POFUT3: variants seen among roughly 807,000 people sequenced by gnomAD.
POFUT3 encodes GDP-fucose protein O-fucosyltransferase 3.
chr8:33,425,692 C>G, the POFUT3 span, among the ~76,000 whole-genome samples: 3 of 151,762 alleles, frequency 2.0e-5, no homozygotes, highest in African/African-American at 7.3e-5. Flanking sequence ...GAGGCTGAGG[C>G]AGGCAGATCA....
the POFUT3 span, among the ~76,000 whole-genome samples, chr8:33,427,254 C>T: frequency 6.6e-6 from 1 of 152,060 alleles, no homozygotes; most frequent in Non-Finnish European, 1.5e-5. Flanking sequence ...ACAGCCTGGA[C>T]AACATAGGAG....
the POFUT3 span, among the ~76,000 whole-genome samples, chr8:33,470,939 A>G: frequency 1.3e-5 from 2 of 152,094 alleles, no homozygotes; most frequent in Non-Finnish European, 2.9e-5. Context: ...AGTCATCACA[A>G]AGTAAGATTT....
At chr8:33,427,454 C>T in the POFUT3 span, among the ~76,000 whole-genome samples, 2 of 152,006 alleles carry the variant, frequency 1.3e-5, no homozygotes, top group Non-Finnish European at 2.9e-5. Context: ...TGGTGCATGC[C>T]TGTAATCCCA....
chr8:33,470,225 A>G, the POFUT3 span, among the ~76,000 whole-genome samples: 1 of 137,890 alleles, frequency 7.3e-6, no homozygotes, highest in Non-Finnish European at 1.5e-5. Context: ...CACAGCAAGA[A>G]CCCATCTCTA....
the POFUT3 span, among the ~76,000 whole-genome samples, chr8:33,376,342 T>C: frequency 0.021 from 3,216 of 152,114 alleles, 112 homozygotes; most frequent in African/African-American, 0.074. Context: ...AAAATGTGGG[T>C]GCTACTTATG....
the POFUT3 span, among the ~76,000 whole-genome samples, chr8:33,363,711 C>T: frequency 1.1e-4 from 17 of 152,268 alleles, no homozygotes; most frequent in African/African-American, 4.1e-4. Context: ...CCTCCCAAGA[C>T]TAAACCAGGA....
the POFUT3 span, chr8:33,461,327 G>A: frequency 6.4e-7 from 1 of 1,557,952 alleles, no homozygotes; most frequent in South Asian, 1.2e-5. Context: ...GGGGGACATG[G>A]CAAAGGCCCA....
At chr8:33,382,754 C>T in the POFUT3 span, among the ~76,000 whole-genome samples, 1 of 152,166 alleles carries the variant, frequency 6.6e-6, no homozygotes, top group Non-Finnish European at 1.5e-5. Flanking sequence ...AGAAACTTAA[C>T]AGTAGATCAT....
chr8:33,394,929 C>G, the POFUT3 span, among the ~76,000 whole-genome samples: 33,358 of 152,138 alleles, frequency 0.22, 4,048 homozygotes, highest in East Asian at 0.46. Context: ...CAGCTTAGTA[C>G]TTTTTTTCTA....
At chr8:33,469,269 G>A in the POFUT3 span, among the ~76,000 whole-genome samples, 1 of 152,184 alleles carries the variant, frequency 6.6e-6, no homozygotes, top group African/African-American at 2.4e-5. Flanking sequence ...TCGCGCCACT[G>A]CACTCCAGCC....
the POFUT3 span, among the ~76,000 whole-genome samples, chr8:33,435,399 G>A: frequency 3.3e-5 from 5 of 152,084 alleles, no homozygotes; most frequent in East Asian, 9.7e-4. Flanking sequence ...TGTATTTTTA[G>A]TAGAGATGGG....
the POFUT3 span, among the ~76,000 whole-genome samples, chr8:33,414,192 C>A: frequency 1.3e-5 from 2 of 152,008 alleles, no homozygotes; most frequent in South Asian, 2.1e-4. Flanking sequence ...CATTACCAAG[C>A]CCAAATAGGT....
chr8:33,335,993 C>T, the POFUT3 span, among the ~76,000 whole-genome samples: 13 of 151,978 alleles, frequency 8.6e-5, no homozygotes, highest in African/African-American at 2.2e-4. Context: ...TTTTAATCCA[C>T]GTATAAGTGG....
At chr8:33,472,042 G>A in the POFUT3 span, among the ~76,000 whole-genome samples, 1 of 152,166 alleles carries the variant, frequency 6.6e-6, no homozygotes, top group African/African-American at 2.4e-5. Context: ...GGTAGACCAG[G>A]GAGAAACCCT....
At chr8:33,470,835 T>C in the POFUT3 span, among the ~76,000 whole-genome samples, 1 of 152,146 alleles carries the variant, frequency 6.6e-6, no homozygotes, top group Admixed American at 6.6e-5. Context: ...TGAGGTTCCA[T>C]CCCAAAACTA....
the POFUT3 span, among the ~76,000 whole-genome samples, chr8:33,344,675 C>T: frequency 3.3e-5 from 5 of 152,160 alleles, no homozygotes; most frequent in South Asian, 6.2e-4. Flanking sequence ...AAAACACAGA[C>T]GAAGGTTGTG....
At chr8:33,431,547 CAAAAAAAAAAAAAAAA>C in the POFUT3 span, among the ~76,000 whole-genome samples, 69 of 35,078 alleles carry the variant, frequency 2.0e-3, 1 homozygote, top group South Asian at 0.016. Flanking sequence ...GACCCTGTCT[CAAAAAAAAAAAAAAAA>C]AAAAAAAAAA....
At chr8:33,312,310 A>C in the POFUT3 span, among the ~76,000 whole-genome samples, 1 of 152,058 alleles carries the variant, frequency 6.6e-6, no homozygotes, top group Non-Finnish European at 1.5e-5. Flanking sequence ...AAATTTGGAC[A>C]TAGAACACAA....
At chr8:33,437,006 G>A in the POFUT3 span, among the ~76,000 whole-genome samples, 105,928 of 152,034 alleles carry the variant, frequency 0.7, 37,976 homozygotes, top group African/African-American at 0.87. Context: ...AAGAGAGAAC[G>A]TGCAGTATCT....
Sources: allele counts gnomAD v4.1 joint callset (sites outside exome capture counted in the v4.1 genomes callset), GRCh38; gene constraint gnomAD v4.1.1; transcripts MANE v1.5; gene names NCBI Gene and HGNC (gene_info 2026-07-23, HGNC 2026-07-21).